CTIF: variants seen among roughly 807,000 people sequenced by gnomAD.
The protein encoded by CTIF is cap binding complex dependent translation initiation factor.
Under a neutral mutation model 66.0 loss-of-function variants are expected in CTIF, and 21 were observed. The observed-to-expected ratio is 0.32, with a 90% CI of 0.23 to 0.46. The LOEUF is 0.46. Among genes scored for constraint, CTIF ranks in the 20% least tolerant of loss-of-function variants. The pLI is 1.00. For synonymous variants in CTIF, 345 were observed against 326.4 expected, an observed-to-expected ratio of 1.06 and a Z score of -0.62; for missense variants, 739 against 812.7, an observed-to-expected ratio of 0.91 and a Z score of 1.10.
intron 1 of CTIF, among the ~76,000 whole-genome samples, chr18:48,615,658 G>T (rs2090385746): frequency 6.6e-6 from 1 of 152,200 alleles, no homozygotes; most frequent in African/African-American, 2.4e-5. Flanking sequence ...GGGAGTATTT[G>T]TCCCATTGAG....
rs548179642 is a variant in CTIF, at chr18:48,663,318, C to T, written c.253-434C>T. 2.0e-5 allele frequency among the ~76,000 whole-genome samples: 3 copies of T among 152,214 alleles called. No homozygotes were observed. In the East Asian group the frequency reaches 5.8e-4, roughly 29 times the overall value. ...ATCCAGTTGCTGGTGTAGCCTTGGT[C>T]GGTGGGGGCTTCTGGGGAGTAGGAC... On this transcript the variant is annotated intron_variant, in intron 3 of 11. Coordinates refer to ENST00000256413, the MANE Select transcript of CTIF (RefSeq NM_014772.3).
chr18:48,828,848 G>A (rs2068634760), intron 10 of CTIF, among the ~76,000 whole-genome samples: 1 of 152,202 alleles, frequency 6.6e-6, no homozygotes, highest in Admixed American at 6.5e-5. Flanking sequence ...CCCAGGGGAG[G>A]GGCACCTTCC....
At chr18:48,582,124 A>G (rs1322513992) in intron 1 of CTIF, among the ~76,000 whole-genome samples, 1 of 151,882 alleles carries the variant, frequency 6.6e-6, no homozygotes, top group African/African-American at 2.4e-5. Context: ...GGGGCTGGGT[A>G]CCCTGAGAGT....
chr18:48,816,967 G>A (rs2068377001), intron 9 of CTIF, among the ~76,000 whole-genome samples: 1 of 152,216 alleles, frequency 6.6e-6, no homozygotes, highest in Non-Finnish European at 1.5e-5. Flanking sequence ...TGACCAGCAG[G>A]TCTGGGCAAT....
rs764007021 is a variant in CTIF, at chr18:48,758,223, C to T, written c.889C>T (p.Pro297Ser). The change falls in exon 8 of 12, where the codon CCC (proline) becomes TCC (serine). Residue 297 changes from proline to serine, a missense_variant. Coordinates refer to ENST00000256413, the MANE Select transcript of CTIF (RefSeq NM_014772.3). ...GDTGHSSLEA[P>S]RSPDTLAPVA... is the part of the protein sequence containing the mutation. ...CACCGGGCACAGCAGCCTTGAGGCC[C>T]CCCGCAGCCCTGACACCCTGGCCCC... is the stretch of plus-strand genomic sequence containing the variant. 8 of 1,613,398 alleles carry T rather than the reference C, an allele frequency of 5.0e-6. No individual in the cohort carries two copies. Among genetic ancestry groups the T allele is most frequent in the South Asian group, 1.1e-5 (1 of 91,024 alleles).
chr18:48,703,348 C>T (rs924670418), intron 6 of CTIF, among the ~76,000 whole-genome samples: 7 of 152,246 alleles, frequency 4.6e-5, no homozygotes, highest in African/African-American at 1.4e-4. Flanking sequence ...GTGAGGAGCC[C>T]GGTGTGGCCA....
chr18:48,714,001 A>T (rs2092255034), intron 7 of CTIF, among the ~76,000 whole-genome samples: 1 of 151,912 alleles, frequency 6.6e-6, no homozygotes, highest in Non-Finnish European at 1.5e-5. Context: ...TCCTCAGGTG[A>T]TGGGGACTTT....
chr18:48,571,950 A>G (rs1166792736), intron 1 of CTIF, among the ~76,000 whole-genome samples: 7 of 152,216 alleles, frequency 4.6e-5, no homozygotes, highest in African/African-American at 1.7e-4. Flanking sequence ...AAAAGTTGAT[A>G]TTGCAGTCTT....
chr18:48,851,067 C>T (rs2069189133), intron 10 of CTIF, among the ~76,000 whole-genome samples: 1 of 152,234 alleles, frequency 6.6e-6, no homozygotes, highest in Non-Finnish European at 1.5e-5. Context: ...CCAAACAACC[C>T]AGAGAAAGAT....
intron 10 of CTIF, chr18:48,826,400 C>T (rs1174154205): frequency 6.6e-6 from 1 of 152,276 alleles, no homozygotes. Context: ...ACTTGTATTT[C>T]CATAGGTGGC....
intron 3 of CTIF, among the ~76,000 whole-genome samples, chr18:48,660,016 G>T (rs551647454): frequency 5.3e-4 from 80 of 151,998 alleles, no homozygotes; most frequent in African/African-American, 1.9e-3. Context: ...TGTGTCGATT[G>T]TGTGACTGCC....
In CTIF at chr18:48,860,074, G is replaced by A. The variant is rs1599182656; in HGVS notation, c.*515G>A. Reference sequence around the variant, plus strand: ...TGTAGCAGATGTCCGGGAGGACAAAGGCAGGCACGGTCCCCACCAGCCGCC... The same window carrying A: ...TGTAGCAGATGTCCGGGAGGACAAAAGCAGGCACGGTCCCCACCAGCCGCC... On this transcript the variant is annotated 3_prime_UTR_variant, in exon 12 of 12. Transcript: ENST00000256413. The A allele has an allele frequency of 5.0e-6, 2 of 403,566 alleles. No individual in the cohort carries two copies. The highest frequency in any genetic ancestry group is 2.0e-5 in the African/African-American group (1 of 49,216). 25.0% of individuals were successfully genotyped at this position (403,566 alleles called of 1,614,324 possible).
intron 6 of CTIF, among the ~76,000 whole-genome samples, chr18:48,693,274 G>A (rs926645655): frequency 1.3e-5 from 2 of 152,128 alleles, no homozygotes; most frequent in African/African-American, 4.8e-5. Flanking sequence ...ACCCACAAGA[G>A]GAAAAAGAAA....
intron 10 of CTIF, among the ~76,000 whole-genome samples, chr18:48,853,259 G>A (rs1256976202): frequency 6.6e-6 from 1 of 152,166 alleles, no homozygotes; most frequent in East Asian, 1.9e-4. Flanking sequence ...AGGGGCCGCA[G>A]AAAAGGGTGA....
intron 10 of CTIF, among the ~76,000 whole-genome samples, chr18:48,849,277 A>G (rs1246067335): frequency 7.1e-6 from 1 of 140,798 alleles, no homozygotes; most frequent in African/African-American, 2.7e-5. Flanking sequence ...GGCTCACTGC[A>G]ACCTCTGCGA....
At chr18:48,663,632 C>A in intron 3 of CTIF, 120 bp from the exon 4 acceptor site, 1 of 862,086 alleles carries the variant, frequency 1.2e-6, no homozygotes, top group Non-Finnish European at 1.9e-6. Context: ...CTGGGTGCAC[C>A]AGCCACCATA....
intron 1 of CTIF, among the ~76,000 whole-genome samples, chr18:48,583,023 C>G (rs1335316306): frequency 1.3e-5 from 2 of 152,206 alleles, no homozygotes; most frequent in East Asian, 3.9e-4. Flanking sequence ...AGGGTGTGCC[C>G]CACCTCTCTG....
At chr18:48,724,664 C>T (rs953155635) in intron 7 of CTIF, among the ~76,000 whole-genome samples, 6 of 152,232 alleles carry the variant, frequency 3.9e-5, no homozygotes, top group Non-Finnish European at 8.8e-5. Context: ...AGACTGAGAG[C>T]TTTCCCTGCT....
chr18:48,726,538 G>T (rs1227748410), intron 7 of CTIF, among the ~76,000 whole-genome samples: 3 of 152,134 alleles, frequency 2.0e-5, no homozygotes, highest in Non-Finnish European at 2.9e-5. Flanking sequence ...TCACAAGGTG[G>T]TTGGCAGTTC....
Sources: allele counts gnomAD v4.1 joint callset (sites outside exome capture counted in the v4.1 genomes callset), GRCh38; gene constraint gnomAD v4.1.1; transcripts MANE v1.5; gene names NCBI Gene and HGNC (gene_info 2026-07-23, HGNC 2026-07-21).